UGT1A7: variants seen among roughly 807,000 people sequenced by gnomAD.
UGT1A7 encodes UDP glucuronosyltransferase family 1 member A7, also known as UDP-glucuronosyltransferase 1A7.
Under a neutral mutation model 45.6 loss-of-function variants are expected in UGT1A7, and 33 were observed. The observed-to-expected ratio is 0.72, with a 90% CI of 0.55 to 0.97. The LOEUF (loss-of-function observed/expected upper bound fraction) is 0.97. UGT1A7 is among the 50% of genes least tolerant of loss of function. UGT1A7 has a pLI of 0.00. For missense variants in UGT1A7, 684 were observed against 666.2 expected (o/e 1.03, Z -0.29); for synonymous variants, 274 against 250.6 (o/e 1.09, Z -0.88).
rs1175463459 is a variant in UGT1A7 at position 233,690,472 on chromosome 2, A to G, written c.855+7680A>G. 6.2e-6 allele frequency: 8 copies of G among 1,289,120 alleles called. No homozygotes were observed. The Admixed American group carries it at 1.6e-4, about 26-fold the overall frequency. The allele number at this position is 1,289,120 out of a possible 1,614,324, so 79.9% of individuals were successfully genotyped here. The stretch of plus-strand genomic sequence containing the variant: ...TCAAAATGCCAGCTATCCTCCATTT[A>G]CTTTTTGGGAAATCTGCTCTTGCCA... On this transcript the variant is annotated intron_variant, in intron 1 of 4. Transcript: ENST00000373426.
At position 233,682,650 on chromosome 2, in the gene UGT1A7, C is replaced by G. The variant is rs1374491792; in HGVS notation, c.713C>G (p.Pro238Arg). The change falls in exon 1 of 5, where the codon CCT (proline) becomes CGT (arginine). Residue 238 changes from proline to arginine, a missense_variant. By Grantham distance (103) the Pro-to-Arg change is moderately radical. Coordinates refer to ENST00000373426, the MANE Select transcript of UGT1A7 (RefSeq NM_019077.3). ...LEIASEILQT[P>R]VTAYDLYSHT... ...ATAGCCTCTGAAATTCTCCAAACCC[C>G]TGTCACGGCATATGATCTCTACAGC... 1 of 1,613,938 alleles carries G rather than the reference C, an allele frequency of 6.2e-7. No individual in the cohort carries two copies. The highest frequency in any genetic ancestry group is 1.7e-5 in the Admixed American group (1 of 60,016).
chr2:233,731,689 G>A (rs1162226344), intron 1 of UGT1A7, among the ~76,000 whole-genome samples: 1 of 152,164 alleles, frequency 6.6e-6, no homozygotes, highest in Non-Finnish European at 1.5e-5. Flanking sequence ...TATCATTGAT[G>A]GACATTTGGA....
At chr2:233,738,047 C>T (rs1690670574) in intron 1 of UGT1A7, among the ~76,000 whole-genome samples, 1 of 152,068 alleles carries the variant, frequency 6.6e-6, no homozygotes, top group Non-Finnish European at 1.5e-5. Flanking sequence ...GTGTTGAGGA[C>T]AGGACATGGT....
At chr2:233,719,813 A>G in intron 1 of UGT1A7, 1 of 1,586,286 alleles carries the variant, frequency 6.3e-7, no homozygotes, top group Non-Finnish European at 8.6e-7. Context: ...TCTTTATAAC[A>G]GATAAACTGT....
chr2:233,694,344 G>A (rs2075216072), intron 1 of UGT1A7, among the ~76,000 whole-genome samples: 1 of 150,486 alleles, frequency 6.6e-6, no homozygotes, highest in Admixed American at 6.6e-5. Context: ...GTTTTTATAT[G>A]GCCCAGAGCT....
intron 1 of UGT1A7, chr2:233,729,328 C>T (rs765145094): frequency 7.4e-6 from 12 of 1,614,122 alleles, no homozygotes; most frequent in South Asian, 2.2e-5. Context: ...GGTGAATATG[C>T]ACATCAAAGA....
intron 1 of UGT1A7, chr2:233,718,897 C>G (rs1667541971): frequency 8.1e-6 from 13 of 1,614,042 alleles, no homozygotes; most frequent in Non-Finnish European, 1.1e-5. Context: ...CAGCCCTGGG[C>G]TGAGAGTGGA....
rs923057819 is a variant in UGT1A7 at position 233,747,207 on chromosome 2, T to G, written c.856-19827T>G. ...TGGACAGTCAGCTGTCCGTGTCTTC[T>G]GCTGAGATGGCCACAGGACCCCAGG... On this transcript the variant is annotated intron_variant, in intron 1 of 4. Transcript: ENST00000373426. The G allele has an allele frequency of 3.1e-6, 5 of 1,605,116 alleles. No individual in the cohort carries two copies. In the African/African-American group the frequency reaches 4.0e-5, roughly 13 times the overall value.
At chr2:233,760,509 C>T (rs72551340) in intron 1 of UGT1A7, 1 of 1,614,154 alleles carries the variant, frequency 6.2e-7, no homozygotes, top group African/African-American at 1.3e-5. Flanking sequence ...GAGCATTTTA[C>T]ACCTTGAAGA....
At chr2:233,692,067 G>A (rs2075076181) in intron 1 of UGT1A7, 1 of 150,926 alleles carries the variant, frequency 6.6e-6, no homozygotes, top group Admixed American at 6.6e-5. Flanking sequence ...GGGAAGAAAG[G>A]AGAGAGAGAT....
At chr2:233,722,804 C>G (rs1575543281) in intron 1 of UGT1A7, among the ~76,000 whole-genome samples, 2 of 147,930 alleles carry the variant, frequency 1.4e-5, no homozygotes, top group Non-Finnish European at 3.0e-5. Context: ...TCATCTCCCT[C>G]TTATTTTTTC....
At chr2:233,712,692 T>A (rs1221158170) in intron 1 of UGT1A7, among the ~76,000 whole-genome samples, 1 of 152,126 alleles carries the variant, frequency 6.6e-6, no homozygotes, top group Non-Finnish European at 1.5e-5. Context: ...AAATGGGGGT[T>A]CACAGCCTTG....
chr2:233,758,656 C>T (rs35815287), intron 1 of UGT1A7, among the ~76,000 whole-genome samples: 1 of 152,054 alleles, frequency 6.6e-6, no homozygotes, highest in East Asian at 1.9e-4. Context: ...GAGAGGGTAC[C>T]CTAATTACCT....
At chr2:233,718,642 C>T in intron 1 of UGT1A7, 2 of 1,479,382 alleles carry the variant, frequency 1.4e-6, no homozygotes, top group South Asian at 2.6e-5. Context: ...CAGGGTTGGG[C>T]CCATAACGAA....
At chr2:233,718,927 C>A in intron 1 of UGT1A7, 2 of 1,614,128 alleles carry the variant, frequency 1.2e-6, no homozygotes, top group Non-Finnish European at 8.5e-7. Flanking sequence ...GTGGTGCCCA[C>A]TGATGGCAGC....
At chr2:233,686,292 G>A (rs1306668848) in intron 1 of UGT1A7, among the ~76,000 whole-genome samples, 1 of 151,296 alleles carries the variant, frequency 6.6e-6, no homozygotes, top group African/African-American at 2.4e-5. Flanking sequence ...ACTAAAACAA[G>A]AAAAACAAGA....
chr2:233,722,246 G>A (rs1029128389), intron 1 of UGT1A7, among the ~76,000 whole-genome samples: 1 of 152,176 alleles, frequency 6.6e-6, no homozygotes, highest in East Asian at 1.9e-4. Context: ...TATTATCTGT[G>A]ACAGACACGC....
intron 1 of UGT1A7, among the ~76,000 whole-genome samples, chr2:233,746,609 G>T (rs1693438310): frequency 6.6e-6 from 1 of 151,680 alleles, no homozygotes; most frequent in Admixed American, 6.5e-5. Flanking sequence ...CTGTTCACCT[G>T]ACCCCTCCTT....
rs1192497893 is a variant in UGT1A7, at chr2:233,682,753, T to TGGTGG, written c.817_821dup (p.Ile275ValfsTer90). 13 of 1,613,798 alleles carry TGGTGG rather than the reference T, an allele frequency of 8.1e-6. No homozygotes were observed. The highest frequency in any genetic ancestry group is 1.1e-5 in the Non-Finnish European group (13 of 1,179,822). On this transcript the variant is annotated frameshift_variant, in exon 1 of 5. Transcript: ENST00000373426. LOFTEE classifies it high-confidence loss of function. ...CCGTGATGCCCAATATGATCTTCATTGGTGGTATCAACTGTCATCAGGGAA... is the reference window on the plus strand; with the variant it reads ...CCGTGATGCCCAATATGATCTTCATTGGTGGGGTGGTATCAACTGTCATCAGGGAA...
Sources: gnomAD v4.1 joint callset for allele counts (sites outside exome capture counted in the v4.1 genomes callset) on GRCh38, gnomAD v4.1.1 for gene constraint, MANE v1.5 for transcripts, NCBI Gene and HGNC (gene_info 2026-07-23, HGNC 2026-07-21) for gene names.